The following TRAPPC9 variants were observed in gnomAD, a reference collection of about 807,000 sequenced individuals.
TRAPPC9 encodes the protein IKK2 binding protein.
A neutral mutation model predicts 124.0 loss-of-function variants in TRAPPC9; 83 were observed. The observed-to-expected ratio is 0.67, with a 90% CI of 0.56 to 0.80. The LOEUF (loss-of-function observed/expected upper bound fraction) is 0.80. TRAPPC9 is among the 30% of genes least tolerant of loss of function. The pLI, the probability that TRAPPC9 is intolerant of heterozygous loss-of-function variation, is 0.00. For synonymous variants in TRAPPC9, 638 were observed against 617.5 expected, an observed-to-expected ratio of 1.03 and a Z score of -0.49; for missense variants, 1,302 against 1,508.3, an observed-to-expected ratio of 0.86 and a Z score of 2.27.
chr8:140,000,088 A>AC (rs1838290189), intron 18 of TRAPPC9, among the ~76,000 whole-genome samples: 2 of 152,290 alleles, frequency 1.3e-5, no homozygotes, highest in Admixed American at 1.3e-4. Flanking sequence ...GACATCTACA[A>AC]CAACCTGATC....
At chr8:139,934,521 G>A (rs892873995) in intron 19 of TRAPPC9, among the ~76,000 whole-genome samples, 1 of 152,192 alleles carries the variant, frequency 6.6e-6, no homozygotes, top group African/African-American at 2.4e-5. Flanking sequence ...TGCTATTTCA[G>A]TGGTACTCAT....
chr8:139,911,727 C>CT (rs61563614), intron 19 of TRAPPC9, among the ~76,000 whole-genome samples: 32,259 of 147,418 alleles, frequency 0.22, 3,677 homozygotes, highest in African/African-American at 0.31. Context: ...AAAAGTAGGC[C>CT]TTTTTTTTTT....
intron 20 of TRAPPC9, chr8:139,904,334 G>T (rs1346804507): frequency 6.6e-6 from 1 of 152,344 alleles, no homozygotes; most frequent in Non-Finnish European, 1.5e-5. Context: ...AGGGGCTGTT[G>T]CAGCCAGGCC....
intron 3 of TRAPPC9, among the ~76,000 whole-genome samples, chr8:140,436,330 AGT>A (rs1173855546): frequency 2.0e-5 from 3 of 152,230 alleles, no homozygotes; most frequent in Non-Finnish European, 4.4e-5. Context: ...TGGGCGACAG[AGT>A]GAGACTGACT....
At chr8:139,930,706 A>G (rs1203109438) in intron 19 of TRAPPC9, among the ~76,000 whole-genome samples, 1 of 152,186 alleles carries the variant, frequency 6.6e-6, no homozygotes, top group Non-Finnish European at 1.5e-5. Context: ...TTTTCAACCA[A>G]TCCTAGTAAC....
chr8:140,063,241 G>C lies in TRAPPC9; in HGVS notation c.2557-39162C>G, dbSNP rs1051466453. ...ATAATTTACAGTGAGATTCGGGTGG[G>C]AGCACAAAGCCTAAGCATATCACCA... On this transcript the variant is annotated intron_variant, in intron 17 of 22. Transcript: ENST00000438773. The surrounding 1 kb of genome is among the most constrained non-coding windows in gnomAD (Gnocchi z 4.3). Among the ~76,000 whole-genome samples the C allele has an allele frequency of 3.9e-5, 6 of 152,158 alleles. No homozygotes were observed. Among genetic ancestry groups the C allele is most frequent in the Admixed American group, 2.6e-4 (4 of 15,288 alleles).
At chr8:139,749,211 G>A (rs1196897557) in intron 21 of TRAPPC9, among the ~76,000 whole-genome samples, 1 of 152,076 alleles carries the variant, frequency 6.6e-6, no homozygotes, top group African/African-American at 2.4e-5. Context: ...CCTGCTCCAG[G>A]AAGACTTCCT....
chr8:139,808,963 T>C (rs1014947209), intron 21 of TRAPPC9, among the ~76,000 whole-genome samples: 2 of 152,190 alleles, frequency 1.3e-5, no homozygotes, highest in African/African-American at 4.8e-5. Flanking sequence ...TGGATGTATG[T>C]TTTCAATGCT....
At position 140,216,826 on chromosome 8, in the gene TRAPPC9, C is replaced by T. The variant is rs2063208452; in HGVS notation, c.2556+4633G>A. 6.6e-6 allele frequency among the ~76,000 whole-genome samples: 1 copy of T among 152,200 alleles called. No individual in the cohort carries two copies. The highest frequency in any genetic ancestry group is 1.5e-5 in the Non-Finnish European group (1 of 68,032). The stretch of plus-strand genomic sequence containing the variant: ...CTCACAGGCCTTCCTCGACTTCCTC[C>T]GTGCAGCCATAGCAACGAGGATCAC... On this transcript the variant is annotated intron_variant, in intron 17 of 22. Transcript: ENST00000438773. This position sits in a 1 kb window ranked among gnomAD's most constrained non-coding sequence, Gnocchi z 4.1.
intron 21 of TRAPPC9, among the ~76,000 whole-genome samples, chr8:139,819,597 C>T (rs1324496168): frequency 6.6e-6 from 1 of 152,144 alleles, no homozygotes; most frequent in Non-Finnish European, 1.5e-5. Context: ...TAGATAAATT[C>T]CACTGATGAG....
At chr8:139,929,453 G>T (rs947402775) in intron 19 of TRAPPC9, among the ~76,000 whole-genome samples, 1 of 152,182 alleles carries the variant, frequency 6.6e-6, no homozygotes, top group Non-Finnish European at 1.5e-5. Context: ...AAAAGGGAGG[G>T]GGCCGAGCGT....
intron 17 of TRAPPC9, among the ~76,000 whole-genome samples, chr8:140,137,796 A>G (rs2061328055): frequency 6.6e-6 from 1 of 152,240 alleles, no homozygotes. Flanking sequence ...AATTTTGTCC[A>G]AGTAACGAGG....
intron 17 of TRAPPC9, among the ~76,000 whole-genome samples, chr8:140,049,687 A>G (rs1240155100): frequency 1.3e-5 from 2 of 152,062 alleles, no homozygotes; most frequent in Admixed American, 1.3e-4. Flanking sequence ...CTGTCCAAAC[A>G]CCAAACCCTG....
At chr8:140,315,600 C>T (rs993708004) in intron 9 of TRAPPC9, among the ~76,000 whole-genome samples, 2 of 152,022 alleles carry the variant, frequency 1.3e-5, no homozygotes. Context: ...CTAAAAAAAT[C>T]CTTGAGTTAT....
rs1161658277 is a variant in TRAPPC9 at position 140,257,804 on chromosome 8, C to T, written c.2279-4875G>A. ...TAGGCTGGAAGCCCTCCCGCCATGC[C>T]TGCAAACACCTGCACATGCCTCCAG... is the stretch of plus-strand genomic sequence containing the variant. On this transcript the variant is annotated intron_variant, in intron 15 of 22. Coordinates refer to ENST00000438773, the MANE Select transcript of TRAPPC9 (RefSeq NM_001160372.4). This position sits in a 1 kb window ranked among gnomAD's most constrained non-coding sequence, Gnocchi z 4.6. Among the ~76,000 whole-genome samples, 1 of 152,190 alleles carries T rather than the reference C, an allele frequency of 6.6e-6. No homozygotes were observed. Among genetic ancestry groups the T allele is most frequent in the Non-Finnish European group, 1.5e-5 (1 of 68,032 alleles).
intron 17 of TRAPPC9, among the ~76,000 whole-genome samples, chr8:140,029,601 T>G (rs1023032605): frequency 6.6e-6 from 1 of 151,528 alleles, no homozygotes; most frequent in Non-Finnish European, 1.5e-5. Context: ...ATTGTGCACA[T>G]GTACCCTAAA....
At chr8:140,142,235 G>A (rs1046778807) in intron 17 of TRAPPC9, among the ~76,000 whole-genome samples, 4 of 152,192 alleles carry the variant, frequency 2.6e-5, no homozygotes, top group South Asian at 2.1e-4. Context: ...GCACACATTC[G>A]CACACGCACA....
intron 18 of TRAPPC9, among the ~76,000 whole-genome samples, chr8:139,999,946 A>G (rs1838281516): frequency 6.6e-6 from 1 of 152,206 alleles, no homozygotes; most frequent in East Asian, 1.9e-4. Flanking sequence ...TCATTAAGTG[A>G]TTATATAAGA....
intron 18 of TRAPPC9, among the ~76,000 whole-genome samples, chr8:139,998,879 T>C (rs1415493210): frequency 6.6e-6 from 1 of 152,200 alleles, no homozygotes; most frequent in Non-Finnish European, 1.5e-5. Context: ...GCGCCTATAT[T>C]TGAGATTCCA....
Sources: allele counts gnomAD v4.1 joint callset (sites outside exome capture counted in the v4.1 genomes callset), GRCh38; gene constraint gnomAD v4.1.1; non-coding constraint Gnocchi (gnomAD v3.1); transcripts MANE v1.5; gene names NCBI Gene and HGNC (gene_info 2026-07-23, HGNC 2026-07-21).